The following TRIM21 variants were observed in gnomAD, a reference collection of about 807,000 sequenced individuals.
TRIM21 encodes the protein tripartite motif containing 21.
In TRIM21, 35 loss-of-function variants were observed where a neutral mutation model predicts 36.1. That is an observed-to-expected ratio of 0.97 (90% CI 0.74 to 1.28). The LOEUF (loss-of-function observed/expected upper bound fraction) is 1.28. Ranked by LOEUF, TRIM21 falls within the 50% of genes most tolerant of loss-of-function variation. The pLI, the probability that TRIM21 is intolerant of heterozygous loss-of-function variation, is 0.00. For synonymous variants in TRIM21, 256 were observed against 211.5 expected, an observed-to-expected ratio of 1.21 and a Z score of -1.83; for missense variants, 635 against 570.7, an observed-to-expected ratio of 1.11 and a Z score of -1.15.
intron 1 of TRIM21, among the ~76,000 whole-genome samples, chr11:4,390,903 T>A (rs2094962388): frequency 6.6e-6 from 1 of 152,222 alleles, no homozygotes; most frequent in Non-Finnish European, 1.5e-5. Flanking sequence ...CTCCTATGTC[T>A]CACCGTATAC....
intron 4 of TRIM21, 119 bp downstream of exon 4, chr11:4,388,181 A>C: frequency 1.1e-6 from 1 of 878,274 alleles, no homozygotes. Flanking sequence ...TTTGAATTCT[A>C]CTTCATTTAA....
chr11:4,388,180 T>C (rs2094958557), intron 4 of TRIM21, 120 bp downstream of exon 4: 1 of 875,510 alleles, frequency 1.1e-6, no homozygotes, highest in African/African-American at 1.7e-5. Context: ...GTTTGAATTC[T>C]ACTTCATTTA....
intron 1 of TRIM21, among the ~76,000 whole-genome samples, chr11:4,393,140 A>G (rs2094965065): frequency 6.6e-6 from 1 of 152,174 alleles, no homozygotes; most frequent in African/African-American, 2.4e-5. Context: ...AGGCCTATAC[A>G]TTTCTGGTTG....
chr11:4,389,873 T>C, intron 2 of TRIM21, 124 bp from the exon 3 acceptor site: 1 of 1,500,096 alleles, frequency 6.7e-7, no homozygotes, highest in Non-Finnish European at 9.2e-7. Flanking sequence ...TAACTTATAA[T>C]TCTCCTCCTA....
At chr11:4,389,855 G>A in intron 2 of TRIM21, 106 bp from the exon 3 acceptor site, 2 of 1,494,380 alleles carry the variant, frequency 1.3e-6, no homozygotes, top group Non-Finnish European at 1.9e-6. Context: ...GGGGAATGAG[G>A]TTGGGTTTAA....
intron 1 of TRIM21, among the ~76,000 whole-genome samples, chr11:4,391,829 AAC>A (rs1314753559): frequency 7.2e-5 from 11 of 152,342 alleles, no homozygotes; most frequent in African/African-American, 2.6e-4. Context: ...CAGGCACAGA[AAC>A]ACAAACATTG....
At chr11:4,391,057 A>G (rs2094962578) in intron 1 of TRIM21, among the ~76,000 whole-genome samples, 1 of 152,236 alleles carries the variant, frequency 6.6e-6, no homozygotes, top group Non-Finnish European at 1.5e-5. Context: ...AGGCAGCCAA[A>G]GCAAACTTGG....
chr11:4,391,720 T>C (rs1457243872), intron 1 of TRIM21, among the ~76,000 whole-genome samples: 1 of 152,206 alleles, frequency 6.6e-6, no homozygotes, highest in Non-Finnish European at 1.5e-5. Context: ...GTGGTATGTA[T>C]ACACAATGGA....
chr11:4,384,948 A>T lies in TRIM21; in HGVS notation c.*337T>A, dbSNP rs1390797590. 4.1e-6 allele frequency: 1 copy of T among 242,972 alleles called. No individual in the cohort carries two copies. The highest frequency in any genetic ancestry group is 7.9e-6 in the Non-Finnish European group (1 of 127,194). 15.1% of individuals were successfully genotyped at this position (242,972 alleles called of 1,614,324 possible). ...TTTTTAGGAAGCCCTTTTGCAAACC[A>T]TACAAGATATAATAGAGATCTCACC... is the stretch of plus-strand genomic sequence containing the variant. On this transcript the variant is annotated 3_prime_UTR_variant, in exon 7 of 7. Transcript: ENST00000254436.
At chr11:4,393,374 C>G (rs942622519) in intron 1 of TRIM21, among the ~76,000 whole-genome samples, 8 of 151,766 alleles carry the variant, frequency 5.3e-5, no homozygotes, top group African/African-American at 1.9e-4. Flanking sequence ...CACAACCCAG[C>G]CTCCTCCCAG....
chr11:4,390,426 A>C lies in TRIM21; in HGVS notation c.-17T>G. ...TGAAGCCATTGTCAAGTGTGCCGTT[A>C]AACAGCAGTGTGGAGACCTTTAGGG... On this transcript the variant is annotated 5_prime_UTR_variant, in exon 2 of 7. Transcript: ENST00000254436. 6.3e-7 allele frequency: 1 copy of C among 1,594,488 alleles called. No homozygotes were observed. Among genetic ancestry groups the C allele is most frequent in the South Asian group, 1.1e-5 (1 of 89,124 alleles).
At chr11:4,391,860 T>C (rs971456866) in intron 1 of TRIM21, among the ~76,000 whole-genome samples, 3 of 152,160 alleles carry the variant, frequency 2.0e-5, no homozygotes, top group Non-Finnish European at 4.4e-5. Context: ...CACTCATTTG[T>C]AGAAGCTAAA....
chr11:4,392,567 A>AAAAACAAAACAAAACAAAACAAAAC (rs71466158), intron 1 of TRIM21, among the ~76,000 whole-genome samples: 4,308 of 151,724 alleles, frequency 0.028, 135 homozygotes, highest in African/African-American at 0.078. Flanking sequence ...ACTCCCTCTC[A>AAAAACAAAACAAAACAAAACAAAAC]AAAACAAAAC....
intron 5 of TRIM21, 46 bp from the exon 6 acceptor site, chr11:4,386,303 A>G (rs772234532): frequency 6.9e-7 from 1 of 1,459,296 alleles, no homozygotes; most frequent in East Asian, 2.3e-5. Context: ...CTCCTATCCC[A>G]AACCCTAACA....
intron 1 of TRIM21, among the ~76,000 whole-genome samples, 185 bp from the exon 2 acceptor site, chr11:4,390,643 CA>C (rs2094962048): frequency 6.6e-6 from 1 of 152,064 alleles, no homozygotes; most frequent in African/African-American, 2.4e-5. Context: ...GCAAAAAGAA[CA>C]AAACTGGAGG....
At position 4,388,491 on chromosome 11, in the gene TRIM21, A is replaced by C. The variant is rs1564810130; in HGVS notation, c.544T>G (p.Phe182Val). ...ETQKSRIHAEFVQQKNFLVEE... is the reference protein window; with the variant it reads ...ETQKSRIHAEVVQQKNFLVEE... ...ACCAGGAAGTTTTTTTGCTGCACAAACTCTGCGTGAATCCTAGATTTCTGT... is the reference window on the plus strand; with the variant it reads ...ACCAGGAAGTTTTTTTGCTGCACAACCTCTGCGTGAATCCTAGATTTCTGT... The change falls in exon 4 of 7, where the codon TTT becomes GTT. Residue 182 changes from phenylalanine to valine, a missense_variant. Coordinates refer to ENST00000254436, the MANE Select transcript of TRIM21 (RefSeq NM_003141.4). 2 of 1,611,550 alleles carry C rather than the reference A, an allele frequency of 1.2e-6. No individual in the cohort carries two copies. Among genetic ancestry groups the C allele is most frequent in the African/African-American group, 2.7e-5 (2 of 74,786 alleles).
chr11:4,393,465 C>T (rs866630912), intron 1 of TRIM21, among the ~76,000 whole-genome samples, 168 bp downstream of exon 1: 4 of 152,130 alleles, frequency 2.6e-5, no homozygotes, highest in Non-Finnish European at 4.4e-5. Flanking sequence ...AAGCAGGGGG[C>T]CAGCACCGGA....
rs1482029105 is a variant in TRIM21, at chr11:4,388,543, G to A, written c.505-13C>T. On this transcript the variant is annotated splice_polypyrimidine_tract_variant and intron_variant, in intron 3 of 6. Coordinates refer to ENST00000254436, the MANE Select transcript of TRIM21 (RefSeq NM_003141.4). ...TTTCCACTGTTTTCTTTAGTGTCAA[G>A]GGAAAGGGAGAGGTGGTTTTTATGA... The A allele has an allele frequency of 1.9e-6, 3 of 1,602,234 alleles. No individual in the cohort carries two copies. The highest frequency in any genetic ancestry group is 2.5e-6 in the Non-Finnish European group (3 of 1,178,642).
At chr11:4,391,020 G>T (rs1002048949) in intron 1 of TRIM21, among the ~76,000 whole-genome samples, 8 of 151,966 alleles carry the variant, frequency 5.3e-5, no homozygotes, top group African/African-American at 1.9e-4. Context: ...ACTGGGCAAA[G>T]ATTTCTTTCA....
Sources: allele counts gnomAD v4.1 joint callset (sites outside exome capture counted in the v4.1 genomes callset), GRCh38; gene constraint gnomAD v4.1.1; transcripts MANE v1.5; gene names NCBI Gene and HGNC (gene_info 2026-07-23, HGNC 2026-07-21).